Variants in SLC12A6 observed in about 807,000 individuals in gnomAD.
SLC12A6 encodes the protein solute carrier family 12 member 6.
A neutral mutation model predicts 135.3 loss-of-function variants in SLC12A6; 66 were observed. The ratio of observed to expected loss-of-function variants is 0.49; its 90% confidence interval spans 0.40 to 0.60. The LOEUF is 0.60. SLC12A6 is among the 20% of genes least tolerant of loss of function. The pLI is 0.00. For synonymous variants in SLC12A6, 513 were observed against 508.8 expected (o/e 1.01, Z -0.11); for missense variants, 1,058 against 1,452.3 (o/e 0.73, Z 4.41).
At chr15:34,314,686 A>G (rs1364147903) in intron 2 of SLC12A6, 1 of 152,666 alleles carries the variant, frequency 6.6e-6, no homozygotes, top group African/African-American at 2.4e-5. Flanking sequence ...CGGCATTAAG[A>G]ACATTTGTGA....
Position 34,229,805 on chromosome 15 carries a change from C to A in SLC12A6, c.*4076G>T. 1 of 1,612,472 alleles carries A rather than the reference C, an allele frequency of 6.2e-7. No homozygotes were observed. The highest frequency in any genetic ancestry group is 8.5e-7 in the Non-Finnish European group (1 of 1,178,630). On this transcript the variant is annotated 3_prime_UTR_variant, in exon 26 of 26. Coordinates refer to ENST00000354181, the MANE Select transcript of SLC12A6 (RefSeq NM_001365088.1). The stretch of plus-strand genomic sequence containing the variant: ...CTTTTGTGAACATGAGAAAGCAGCG[C>A]CTGGTCCCTATGTATTTGGGTCTTA...
chr15:34,263,944 A>T (rs572637562), intron 3 of SLC12A6, among the ~76,000 whole-genome samples: 1 of 152,296 alleles, frequency 6.6e-6, no homozygotes, highest in East Asian at 1.9e-4. Context: ...ATTCTGAAAA[A>T]GTCACCTTTG....
At chr15:34,319,984 C>T (rs1374090212) in intron 2 of SLC12A6, among the ~76,000 whole-genome samples, 2 of 152,012 alleles carry the variant, frequency 1.3e-5, no homozygotes, top group African/African-American at 2.4e-5. Flanking sequence ...TATCAGACAA[C>T]TGTATCAAGT....
At chr15:34,293,060 T>C (rs1211389837) in intron 2 of SLC12A6, among the ~76,000 whole-genome samples, 1 of 152,118 alleles carries the variant, frequency 6.6e-6, no homozygotes, top group African/African-American at 2.4e-5. Context: ...ACCAGGTACC[T>C]CAGTTGGAAA....
Position 34,229,801 on chromosome 15 carries a change from A to G in SLC12A6, c.*4080T>C, listed in dbSNP as rs781456696. ...ACTGCTTTTGTGAACATGAGAAAGCAGCGCCTGGTCCCTATGTATTTGGGT... is the reference window on the plus strand; with the variant it reads ...ACTGCTTTTGTGAACATGAGAAAGCGGCGCCTGGTCCCTATGTATTTGGGT... On this transcript the variant is annotated 3_prime_UTR_variant, in exon 26 of 26. Coordinates refer to ENST00000354181, the MANE Select transcript of SLC12A6 (RefSeq NM_001365088.1). The G allele has an allele frequency of 9.9e-6, 16 of 1,611,704 alleles. No homozygotes were observed. Among genetic ancestry groups the G allele is most frequent in the Non-Finnish European group, 1.4e-5 (16 of 1,178,686 alleles).
chr15:34,252,183 A>T lies in SLC12A6; in HGVS notation c.1320T>A (p.Ser440Arg). The change falls in exon 10 of 26, where the codon AGT becomes AGA. Residue 440 changes from serine to arginine, a missense_variant. By Grantham distance (110) the Ser-to-Arg change is moderately radical (BLOSUM62 -1). Coordinates refer to ENST00000354181, the MANE Select transcript of SLC12A6 (RefSeq NM_001365088.1). Reference protein sequence around the residue: ...TSIQGIPGLASGIITENLWSN... With the variant: ...TSIQGIPGLARGIITENLWSN... ...TCCCTAACTTACCTGTAATTATACC[A>T]CTAGCCAATCCAGGAATGCCCTGGA... The T allele has an allele frequency of 6.4e-7, 1 of 1,571,036 alleles. No homozygotes were observed. The highest frequency in any genetic ancestry group is 1.7e-5 in the Admixed American group (1 of 59,944).
intron 6 of SLC12A6, among the ~76,000 whole-genome samples, chr15:34,257,375 C>T (rs1341498248): frequency 1.3e-5 from 2 of 152,218 alleles, no homozygotes; most frequent in South Asian, 4.1e-4. Context: ...ATTCTGAATT[C>T]TCTGAAGACA....
chr15:34,262,292 T>C (rs1054460967), intron 3 of SLC12A6, among the ~76,000 whole-genome samples: 3 of 152,138 alleles, frequency 2.0e-5, no homozygotes, highest in African/African-American at 4.8e-5. Flanking sequence ...CCAATGAGCA[T>C]ACACTCCCCT....
At chr15:34,316,939 G>A (rs8024424) in intron 2 of SLC12A6, among the ~76,000 whole-genome samples, 4,177 of 152,146 alleles carry the variant, frequency 0.027, 193 homozygotes, top group African/African-American at 0.095. Flanking sequence ...AAGCCTAAAG[G>A]GATTAAACTG....
At chr15:34,320,961 C>T (rs1258992214) in intron 2 of SLC12A6, among the ~76,000 whole-genome samples, 8 of 151,452 alleles carry the variant, frequency 5.3e-5, no homozygotes, top group African/African-American at 1.9e-4. Context: ...AAAAGAAAAC[C>T]CTACAAATAT....
Position 34,275,365 on chromosome 15 carries a change from CCT to C in SLC12A6, c.294_295del (p.Glu100ThrfsTer10), listed in dbSNP as rs1292460656. ...TATACCTAACAGTTGGCTGTGTTCC[CCT>C]GTGATGGAGTTCTGACTCAGGTCTG... On this transcript the variant is annotated frameshift_variant, in exon 3 of 26. Coordinates refer to ENST00000354181, the MANE Select transcript of SLC12A6 (RefSeq NM_001365088.1). LOFTEE classifies it high-confidence loss of function. 2 of 1,546,956 alleles carry C rather than the reference CCT, an allele frequency of 1.3e-6. No homozygotes were observed. Among genetic ancestry groups the C allele is most frequent in the Non-Finnish European group, 1.8e-6 (2 of 1,119,750 alleles).
chr15:34,251,829 G>T lies in SLC12A6; in HGVS notation c.1333+341C>A, dbSNP rs535759432. Among the ~76,000 whole-genome samples, 8 of 152,268 alleles carry T rather than the reference G, an allele frequency of 5.3e-5. No homozygotes were observed. In the East Asian group the frequency reaches 1.5e-3, roughly 29 times the overall value. ...AGTTAGGAAGATACATGTGGATGTGGACATTAAAACAGGTCTATTCTGTCA... is the reference window on the plus strand; with the variant it reads ...AGTTAGGAAGATACATGTGGATGTGTACATTAAAACAGGTCTATTCTGTCA... On this transcript the variant is annotated intron_variant, in intron 10 of 25. Coordinates refer to ENST00000354181, the MANE Select transcript of SLC12A6 (RefSeq NM_001365088.1).
chr15:34,298,122 A>G (rs1360180647), intron 2 of SLC12A6, among the ~76,000 whole-genome samples: 1 of 152,174 alleles, frequency 6.6e-6, no homozygotes, highest in Non-Finnish European at 1.5e-5. Flanking sequence ...TTCAGAGGGG[A>G]AAAATACACA....
intron 2 of SLC12A6, among the ~76,000 whole-genome samples, chr15:34,286,047 A>G (rs1037871784): frequency 6.6e-6 from 1 of 151,874 alleles, no homozygotes. Flanking sequence ...ACACTAAAAA[A>G]TTATTAAGAT....
intron 2 of SLC12A6, among the ~76,000 whole-genome samples, chr15:34,326,212 CAGAT>C (rs1278098912): frequency 6.6e-6 from 1 of 152,156 alleles, no homozygotes; most frequent in Non-Finnish European, 1.5e-5. Context: ...CCAGGTATGA[CAGAT>C]AGGACCTGAG....
chr15:34,256,123 C>A, intron 7 of SLC12A6, 106 bp downstream of exon 7: 5 of 774,428 alleles, frequency 6.5e-6, no homozygotes, highest in Non-Finnish European at 1.2e-5. Flanking sequence ...TAGCACAGAA[C>A]AGACCAAATA....
chr15:34,269,196 A>ATT (rs139208948), intron 3 of SLC12A6, among the ~76,000 whole-genome samples: 4,183 of 152,244 alleles, frequency 0.027, 190 homozygotes, highest in African/African-American at 0.096. Flanking sequence ...CTATCTAAAT[A>ATT]ATGCTGACAT....
At position 34,237,449 on chromosome 15, in the gene SLC12A6, G is replaced by A; in HGVS notation, c.2904C>T (p.Arg968=). The change falls in exon 22 of 26, where the codon CGC becomes CGT. Residue 968 remains arginine, a synonymous_variant. Transcript: ENST00000354181. ...KDLATFLYHL[R]IEAEVEVVEM... ...CCACCACTTCTACCTCCGCCTCAAT[G>A]CGTAAGTGATATAGGAAGGTGGCTA... 6.2e-7 allele frequency: 1 copy of A among 1,613,112 alleles called. No homozygotes were observed. Among genetic ancestry groups the A allele is most frequent in the Non-Finnish European group, 8.5e-7 (1 of 1,179,282 alleles).
At chr15:34,294,504 C>T (rs765565076) in intron 2 of SLC12A6, among the ~76,000 whole-genome samples, 12 of 152,236 alleles carry the variant, frequency 7.9e-5, no homozygotes, top group Non-Finnish European at 7.3e-5. Flanking sequence ...ATTCACCCAC[C>T]TTGGCCTCCC....
Sources: gnomAD v4.1 joint callset for allele counts (sites outside exome capture counted in the v4.1 genomes callset) on GRCh38, gnomAD v4.1.1 for gene constraint, MANE v1.5 for transcripts, NCBI Gene and HGNC (gene_info 2026-07-23, HGNC 2026-07-21) for gene names.